The following INPP4B variants were observed in gnomAD, a reference collection of about 807,000 sequenced individuals.
INPP4B encodes the protein inositol polyphosphate 4-phosphatase type II.
INPP4B carries 55 observed loss-of-function variants against 122.5 expected under a neutral mutation model. That is an observed-to-expected ratio of 0.45 (90% CI 0.36 to 0.56). The LOEUF (loss-of-function observed/expected upper bound fraction) is 0.56. INPP4B is among the 20% of genes least tolerant of loss of function. The pLI is 0.00. For synonymous variants in INPP4B, 403 were observed against 388.7 expected, an observed-to-expected ratio of 1.04 and a Z score of -0.43; for missense variants, 1,000 against 1,097.7, an observed-to-expected ratio of 0.91 and a Z score of 1.26.
intron 3 of INPP4B, among the ~76,000 whole-genome samples, chr4:142,438,464 T>C (rs1811011355): frequency 6.6e-6 from 1 of 152,122 alleles, no homozygotes; most frequent in Non-Finnish European, 1.5e-5. Flanking sequence ...AGATTCCCTA[T>C]CTAATAAATG....
At chr4:142,272,967 T>G (rs1192785157) in intron 9 of INPP4B, among the ~76,000 whole-genome samples, 1 of 152,022 alleles carries the variant, frequency 6.6e-6, no homozygotes, top group Non-Finnish European at 1.5e-5. Flanking sequence ...TTCACTGAAC[T>G]AATCCAAATA....
At chr4:142,201,379 T>C (rs1840560759) in intron 14 of INPP4B, among the ~76,000 whole-genome samples, 1 of 152,122 alleles carries the variant, frequency 6.6e-6, no homozygotes, top group African/African-American at 2.4e-5. Flanking sequence ...CAATACTTTC[T>C]ATGAAAGTTG....
chr4:142,389,002 C>T (rs1456717059), intron 7 of INPP4B, among the ~76,000 whole-genome samples: 2 of 152,078 alleles, frequency 1.3e-5, no homozygotes, highest in African/African-American at 4.8e-5. Context: ...CCTGTTATCC[C>T]AGGACTTTGG....
intron 20 of INPP4B, 149 bp from the exon 21 acceptor site, chr4:142,122,394 G>C (rs1796921191): frequency 6.2e-6 from 4 of 640,794 alleles, no homozygotes; most frequent in Non-Finnish European, 1.1e-5. Flanking sequence ...TTCCTCAGAG[G>C]CTGAAGGTGT....
intron 12 of INPP4B, among the ~76,000 whole-genome samples, chr4:142,227,856 T>C (rs1434721128): frequency 1.2e-4 from 4 of 34,236 alleles, no homozygotes; most frequent in Admixed American, 1.1e-3. Flanking sequence ...AGACTCTATC[T>C]AAAAAAAAAA....
chr4:142,837,289 C>T (rs923429956), intron 1 of INPP4B, among the ~76,000 whole-genome samples: 2 of 151,986 alleles, frequency 1.3e-5, no homozygotes, highest in Admixed American at 1.3e-4. Flanking sequence ...TGTTCAATCT[C>T]AAACAATAGT....
chr4:142,250,915 A>G (rs1202941003), intron 11 of INPP4B, among the ~76,000 whole-genome samples: 1 of 152,230 alleles, frequency 6.6e-6, no homozygotes, highest in African/African-American at 2.4e-5. Context: ...AAGTATATTT[A>G]AATTGCAGAA....
intron 2 of INPP4B, among the ~76,000 whole-genome samples, chr4:142,560,233 T>A (rs898390115): frequency 9.2e-5 from 14 of 152,310 alleles, no homozygotes; most frequent in Middle Eastern, 3.4e-3. Context: ...CTCCTAAGCA[T>A]GCTGAGCCGG....
intron 2 of INPP4B, among the ~76,000 whole-genome samples, chr4:142,571,845 T>C (rs1348151007): frequency 6.6e-6 from 1 of 152,120 alleles, no homozygotes; most frequent in Admixed American, 6.6e-5. Context: ...ATTGGTATTT[T>C]TGAAGGCTAT....
intron 7 of INPP4B, 103 bp downstream of exon 7, chr4:142,402,835 C>T (rs370038762): frequency 1.9e-5 from 14 of 733,320 alleles, no homozygotes; most frequent in East Asian, 1.5e-4. Context: ...ATCATGAACA[C>T]GGTGCAAATA....
intron 14 of INPP4B, among the ~76,000 whole-genome samples, chr4:142,199,168 T>C (rs553664910): frequency 6.6e-6 from 1 of 152,188 alleles, no homozygotes; most frequent in South Asian, 2.1e-4. Flanking sequence ...ACGGAAATCA[T>C]TGTAATGTTG....
At chr4:142,221,008 G>C (rs138839667) in intron 12 of INPP4B, among the ~76,000 whole-genome samples, 1 of 152,152 alleles carries the variant, frequency 6.6e-6, no homozygotes, top group East Asian at 1.9e-4. Context: ...TGGGGCTAGG[G>C]CTTCAGCGTG....
intron 1 of INPP4B, among the ~76,000 whole-genome samples, chr4:142,814,396 C>T (rs1343914306): frequency 6.6e-6 from 1 of 152,092 alleles, no homozygotes; most frequent in Non-Finnish European, 1.5e-5. Flanking sequence ...AAAAATGTGT[C>T]TATTTTTTCT....
At chr4:142,501,424 T>C (rs947025850) in intron 2 of INPP4B, among the ~76,000 whole-genome samples, 1 of 152,076 alleles carries the variant, frequency 6.6e-6, no homozygotes. Flanking sequence ...CCACTTGATT[T>C]CCAAACTAAA....
intron 23 of INPP4B, among the ~76,000 whole-genome samples, chr4:142,099,706 T>C (rs778898402): frequency 6.6e-6 from 1 of 152,152 alleles, no homozygotes; most frequent in Non-Finnish European, 1.5e-5. Flanking sequence ...CTTAACATTA[T>C]AAATCAAGGT....
intron 10 of INPP4B, among the ~76,000 whole-genome samples, chr4:142,268,343 A>AAAAAAAAAAAAAAAAAAAAAAAG (rs1743979892): frequency 6.9e-6 from 1 of 144,768 alleles, no homozygotes; most frequent in Non-Finnish European, 1.5e-5. Flanking sequence ...AAAAAAAAAA[A>AAAAAAAAAAAAAAAAAAAAAAAG]AAATGAGGGG....
chr4:142,705,018 A>G (rs1165338702), intron 2 of INPP4B, among the ~76,000 whole-genome samples: 1 of 152,084 alleles, frequency 6.6e-6, no homozygotes, highest in African/African-American at 2.4e-5. Flanking sequence ...GTTTACTCTT[A>G]TTGGCCTTTA....
intron 2 of INPP4B, among the ~76,000 whole-genome samples, chr4:142,503,946 C>A (rs1160986035): frequency 6.6e-6 from 1 of 151,834 alleles, no homozygotes; most frequent in African/African-American, 2.4e-5. Flanking sequence ...AAACAAATTC[C>A]ATATTTGTTA....
At chr4:142,135,524 A>C (rs1803620791) in intron 18 of INPP4B, among the ~76,000 whole-genome samples, 1 of 152,214 alleles carries the variant, frequency 6.6e-6, no homozygotes, top group African/African-American at 2.4e-5. Flanking sequence ...GGGCTGGAGC[A>C]GTGACCCCCT....
Sources: gnomAD v4.1 joint callset for allele counts (sites outside exome capture counted in the v4.1 genomes callset) on GRCh38, gnomAD v4.1.1 for gene constraint, MANE v1.5 for transcripts, NCBI Gene and HGNC (gene_info 2026-07-23, HGNC 2026-07-21) for gene names.